Variants in SYNGR1 observed in about 807,000 individuals in gnomAD.
SYNGR1 encodes the protein synaptogyrin-1.
Under a neutral mutation model 26.1 loss-of-function variants are expected in SYNGR1, and 14 were observed. The observed-to-expected ratio is 0.54, with a 90% confidence interval of 0.35 to 0.84. The LOEUF is 0.84. Among genes scored for constraint, SYNGR1 ranks in the 40% least tolerant of loss-of-function variants. The pLI, the probability that SYNGR1 is intolerant of heterozygous loss-of-function variation, is 0.01. For missense variants in SYNGR1, 319 were observed against 332.9 expected (o/e 0.96, Z 0.33); for synonymous variants, 141 against 150.1 (o/e 0.94, Z 0.44).
chr22:39,382,198 T>C lies in SYNGR1; in HGVS notation c.*284T>C. The C allele has an allele frequency of 1.9e-6, 1 of 539,736 alleles. No individual in the cohort carries two copies. The allele number at this position is 539,736 out of a possible 1,614,324, so 33.4% of individuals were successfully genotyped here. ...CATCAAGCATTCCTTGAGCGCCTAC[T>C]GGGCATCCGGCCTGTGCTGGGCATG... is the stretch of plus-strand genomic sequence containing the variant. On this transcript the variant is annotated 3_prime_UTR_variant, in exon 4 of 4. Transcript: ENST00000328933.
intron 1 of SYNGR1, among the ~76,000 whole-genome samples, chr22:39,369,915 C>CT (rs959569564): frequency 2.0e-4 from 31 of 152,072 alleles, no homozygotes; most frequent in Non-Finnish European, 3.2e-4. Flanking sequence ...AGAATCCTTT[C>CT]TTTTTTTTAC....
Position 39,385,190 on chromosome 22 carries a change from G to T in SYNGR1, c.*3276G>T. 1 of 394,574 alleles carries T rather than the reference G, an allele frequency of 2.5e-6. No individual in the cohort carries two copies. The highest frequency in any genetic ancestry group is 3.6e-5 in the East Asian group (1 of 27,980). The allele number at this position is 394,574 out of a possible 1,614,324, so 24.4% of individuals were successfully genotyped here. ...GGGAATGCCCCTCCCAGGAGTTTAT[G>T]GGAGAAGGGACTGGGCCGGCTGCCT... On this transcript the variant is annotated 3_prime_UTR_variant, in exon 4 of 4. Coordinates refer to ENST00000328933, the MANE Select transcript of SYNGR1 (RefSeq NM_004711.5).
intron 1 of SYNGR1, among the ~76,000 whole-genome samples, chr22:39,369,862 C>T (rs1924938811): frequency 6.6e-6 from 1 of 152,186 alleles, no homozygotes; most frequent in Admixed American, 6.5e-5. Flanking sequence ...CACCACTGCC[C>T]ACCTCTGTGC....
chr22:39,351,343 G>A (rs186219716), intron 1 of SYNGR1, among the ~76,000 whole-genome samples: 6 of 152,324 alleles, frequency 3.9e-5, no homozygotes, highest in Admixed American at 6.5e-5. Context: ...CCTGGTCTGC[G>A]AAGGATGACC....
rs1923838058 is a variant in SYNGR1, at chr22:39,350,253, G to C, written c.99+144G>C. 2.4e-6 allele frequency: 1 copy of C among 417,390 alleles called. No individual in the cohort carries two copies. The highest frequency in any genetic ancestry group is 3.5e-6 in the Non-Finnish European group (1 of 282,156). The allele number at this position is 417,390 out of a possible 1,614,324, so 25.9% of individuals were successfully genotyped here. ...GCGGGCGAGGAGCTGTCCTGCCTGC[G>C]GGGCCCGCTGCCGCCGCTCCTCCTT... On this transcript the variant is annotated intron_variant, in intron 1 of 3. Coordinates refer to ENST00000328933, the MANE Select transcript of SYNGR1 (RefSeq NM_004711.5). The surrounding 1 kb of genome is among the most constrained non-coding windows in gnomAD (Gnocchi z 4.3).
chr22:39,363,883 C>G (rs914126876), intron 1 of SYNGR1, among the ~76,000 whole-genome samples: 1 of 152,142 alleles, frequency 6.6e-6, no homozygotes, highest in African/African-American at 2.4e-5. Flanking sequence ...GCTGGGAGGA[C>G]AGAGTGCCGT....
At chr22:39,354,520 A>G (rs867132685) in intron 1 of SYNGR1, among the ~76,000 whole-genome samples, 1 of 152,028 alleles carries the variant, frequency 6.6e-6, no homozygotes. Context: ...TCCACCCCCC[A>G]TCATCCCAAG....
At chr22:39,357,010 C>A (rs1924174986) in intron 1 of SYNGR1, among the ~76,000 whole-genome samples, 1 of 152,166 alleles carries the variant, frequency 6.6e-6, no homozygotes, top group South Asian at 2.1e-4. Flanking sequence ...GTAATCCCAG[C>A]ACTTTGGGAG....
In SYNGR1 at chr22:39,384,012, G is replaced by T. The variant is rs62228451; in HGVS notation, c.*2098G>T. The T allele has an allele frequency of 0.027, 4,184 of 152,624 alleles. 96 individuals are homozygous for T. Among genetic ancestry groups the T allele is most frequent in the South Asian group, 0.087 (422 of 4,828 alleles). The allele number at this position is 152,624 out of a possible 1,614,324, so 9.5% of individuals were successfully genotyped here. A position where few individuals can be genotyped will look rare whatever the true frequency, so the allele number is the denominator to read the frequency against. ...TCTGTCCACAGTCCCCCGCCGCCAG[G>T]TGGCCCACATGGGACCAGCATGGGG... On this transcript the variant is annotated 3_prime_UTR_variant, in exon 4 of 4. Coordinates refer to ENST00000328933, the MANE Select transcript of SYNGR1 (RefSeq NM_004711.5).
chr22:39,369,531 C>T (rs765663031), intron 1 of SYNGR1, among the ~76,000 whole-genome samples: 3 of 152,156 alleles, frequency 2.0e-5, no homozygotes, highest in Non-Finnish European at 4.4e-5. Context: ...GAGTAAATTC[C>T]ATCCCTTCTT....
chr22:39,374,284 C>G (rs765935829), intron 1 of SYNGR1, 32 bp from the exon 2 acceptor site: 1 of 1,607,800 alleles, frequency 6.2e-7, no homozygotes, highest in Non-Finnish European at 8.5e-7. Context: ...AGGGGTCTGC[C>G]CAGGTCTAAG....
In SYNGR1 at chr22:39,350,125, C is replaced by A; in HGVS notation, c.99+16C>A. The stretch of plus-strand genomic sequence containing the variant: ...CGTGTCTTGGGTAAGGACGGACTGG[C>A]CGACGGCTCTGCCAGGCCGGGGTGG... On this transcript the variant is annotated intron_variant, in intron 1 of 3. Transcript: ENST00000328933. This position sits in a 1 kb window ranked among gnomAD's most constrained non-coding sequence, Gnocchi z 4.3. 1.4e-6 allele frequency: 2 copies of A among 1,412,536 alleles called. No homozygotes were observed. The highest frequency in any genetic ancestry group is 1.4e-5 in the South Asian group (1 of 73,020). 87.5% of individuals were successfully genotyped at this position (1,412,536 alleles called of 1,614,324 possible).
chr22:39,351,747 G>A (rs1001102948), intron 1 of SYNGR1, among the ~76,000 whole-genome samples: 1 of 152,244 alleles, frequency 6.6e-6, no homozygotes, highest in Non-Finnish European at 1.5e-5. Flanking sequence ...AGGGAAGGCA[G>A]CGTGACTCAG....
At chr22:39,354,346 T>C (rs1008461933) in intron 1 of SYNGR1, among the ~76,000 whole-genome samples, 1 of 152,206 alleles carries the variant, frequency 6.6e-6, no homozygotes, top group African/African-American at 2.4e-5. Context: ...AAGTGACTTG[T>C]GCTAGCTCAA....
chr22:39,384,957 C>G lies in SYNGR1; in HGVS notation c.*3043C>G. ...ACAGACTGTCCTGCCTGCACGGCTC[C>G]TATCCACCTGGGGGTGTCGCAGTTG... On this transcript the variant is annotated 3_prime_UTR_variant, in exon 4 of 4. Transcript: ENST00000328933. The G allele has an allele frequency of 2.5e-6, 1 of 398,918 alleles. No homozygotes were observed. The highest frequency in any genetic ancestry group is 4.4e-6 in the Non-Finnish European group (1 of 226,156). 24.7% of individuals were successfully genotyped at this position (398,918 alleles called of 1,614,324 possible). A position where few individuals can be genotyped will look rare whatever the true frequency, so the allele number is the denominator to read the frequency against.
intron 2 of SYNGR1, chr22:39,375,745 C>T: frequency 1.7e-6 from 1 of 599,840 alleles, no homozygotes; most frequent in South Asian, 2.0e-5. Context: ...TGATTACCTT[C>T]TTTCTCTGTC....
At position 39,381,745 on chromosome 22, in the gene SYNGR1, C is replaced by T. The variant is rs1925505068; in HGVS notation, c.533C>T (p.Ser178Leu). 12 of 1,613,360 alleles carry T rather than the reference C, an allele frequency of 7.4e-6. No individual in the cohort carries two copies. The highest frequency in any genetic ancestry group is 1.3e-5 in the African/African-American group (1 of 74,932). ...CAGCGGTACCAGATTGGCGCCGACT[C>T]GGCCCTCTTCTCCCAGGACTACATG... Reference protein sequence around the residue: ...AFQRYQIGADSALFSQDYMDP... With the variant: ...AFQRYQIGADLALFSQDYMDP... The change falls in exon 4 of 4, where the codon TCG becomes TTG. Residue 178 changes from serine to leucine, a missense_variant. Physicochemically the swap from Ser to Leu is moderately radical, Grantham distance 145. Coordinates refer to ENST00000328933, the MANE Select transcript of SYNGR1 (RefSeq NM_004711.5).
At chr22:39,376,320 C>T in intron 3 of SYNGR1, 123 bp downstream of exon 3, 2 of 1,506,218 alleles carry the variant, frequency 1.3e-6, no homozygotes, top group African/African-American at 1.4e-5. Context: ...ACCCTCGCTC[C>T]CTCTTCTGCC....
In SYNGR1 at chr22:39,383,654, G is replaced by A. The variant is rs575362012; in HGVS notation, c.*1740G>A. 28 of 152,816 alleles carry A rather than the reference G, an allele frequency of 1.8e-4. No homozygotes were observed. The South Asian group carries it at 5.8e-3, about 32-fold the overall frequency. The allele number at this position is 152,816 out of a possible 1,614,324, so 9.5% of individuals were successfully genotyped here. A position where few individuals can be genotyped will look rare whatever the true frequency, so the allele number is the denominator to read the frequency against. On this transcript the variant is annotated 3_prime_UTR_variant, in exon 4 of 4. Transcript: ENST00000328933. ...CCCCATCTAAGAATCCTAAGAGGCA[G>A]GCGATCCCTCACCTGCTTACTCACT...
Sources: allele counts gnomAD v4.1 joint callset (sites outside exome capture counted in the v4.1 genomes callset), GRCh38; gene constraint gnomAD v4.1.1; non-coding constraint Gnocchi (gnomAD v3.1); transcripts MANE v1.5; gene names NCBI Gene and HGNC (gene_info 2026-07-23, HGNC 2026-07-21).